MLLT3: variants seen among roughly 807,000 people sequenced by gnomAD.
MLLT3 encodes MLLT3 super elongation complex subunit.
Under a neutral mutation model 53.2 loss-of-function variants are expected in MLLT3, and 4 were observed. That is an observed-to-expected ratio of 0.08 (90% CI 0.04 to 0.17). The LOEUF (loss-of-function observed/expected upper bound fraction) is 0.17. Ranked by LOEUF, MLLT3 falls within the 10% of genes least tolerant of loss-of-function variation. The pLI is 1.00. For missense variants in MLLT3, 569 were observed against 684.0 expected (o/e 0.83, Z 1.87); for synonymous variants, 283 against 230.6 (o/e 1.23, Z -2.06).
intron 5 of MLLT3, among the ~76,000 whole-genome samples, chr9:20,390,774 C>T (rs1026378307): frequency 5.0e-4 from 76 of 152,314 alleles, no homozygotes; most frequent in African/African-American, 1.8e-3. Context: ...TTTGGAGAAA[C>T]AATTTCCTTC....
At chr9:20,460,156 C>T (rs1483176505) in intron 2 of MLLT3, among the ~76,000 whole-genome samples, 1 of 152,190 alleles carries the variant, frequency 6.6e-6, no homozygotes, top group Non-Finnish European at 1.5e-5. Flanking sequence ...GGAGGGATCA[C>T]CTTCTGTCAC....
intron 10 of MLLT3, among the ~76,000 whole-genome samples, chr9:20,352,790 A>G (rs923009549): frequency 6.6e-6 from 1 of 151,978 alleles, no homozygotes; most frequent in Non-Finnish European, 1.5e-5. Flanking sequence ...GTAAAAAAAA[A>G]AAGAAGAAAA....
intron 7 of MLLT3, chr9:20,362,687 C>A (rs1264016847): frequency 6.9e-6 from 1 of 145,190 alleles, no homozygotes. Context: ...ATCGGTCTCT[C>A]CAGTTTGGGT....
rs1464563995 is a variant in MLLT3, at chr9:20,450,420, C to A, written c.277-2154G>T. ...GATATAAAAGCCTTTAATGGTTCAT[C>A]ATTTTCTGCAGTAAAATCCCACTTC... On this transcript the variant is annotated intron_variant, in intron 3 of 10. Transcript: ENST00000380338. Among the ~76,000 whole-genome samples, 3 of 152,316 alleles carry A rather than the reference C, an allele frequency of 2.0e-5. No individual in the cohort carries two copies. In the East Asian group the frequency reaches 5.8e-4, roughly 29 times the overall value.
intron 4 of MLLT3, among the ~76,000 whole-genome samples, chr9:20,431,837 A>G (rs1006980029): frequency 6.6e-6 from 1 of 152,200 alleles, no homozygotes; most frequent in African/African-American, 2.4e-5. Context: ...AAATCTTATA[A>G]TGCTGAATAA....
chr9:20,403,328 A>AGCCT (rs1210199567), intron 5 of MLLT3, among the ~76,000 whole-genome samples: 1 of 152,212 alleles, frequency 6.6e-6, no homozygotes, highest in Non-Finnish European at 1.5e-5. Flanking sequence ...AGAGTACCTA[A>AGCCT]GCCTTGAGAG....
At chr9:20,595,576 C>T (rs1820241510) in intron 2 of MLLT3, among the ~76,000 whole-genome samples, 1 of 151,864 alleles carries the variant, frequency 6.6e-6, no homozygotes, top group Admixed American at 6.6e-5. Context: ...GAAACATAAG[C>T]GTTATCAAAG....
chr9:20,360,920 GCA>G (rs763399168), intron 7 of MLLT3, 79 bp from the exon 8 acceptor site: 83 of 1,252,200 alleles, frequency 6.6e-5, no homozygotes, highest in Middle Eastern at 4.0e-4. Context: ...GGCGTGGAAA[GCA>G]CAGAATCCAA....
intron 2 of MLLT3, among the ~76,000 whole-genome samples, chr9:20,614,539 T>C (rs1365968018): frequency 6.6e-6 from 1 of 152,118 alleles, no homozygotes; most frequent in African/African-American, 2.4e-5. Flanking sequence ...TGTGTATATA[T>C]ATAAAGATGT....
chr9:20,400,102 C>G (rs1305260092), intron 5 of MLLT3, among the ~76,000 whole-genome samples: 1 of 151,646 alleles, frequency 6.6e-6, no homozygotes, highest in African/African-American at 2.4e-5. Flanking sequence ...TATAATCTAC[C>G]CATGAGATGG....
At position 20,458,475 on chromosome 9, in the gene MLLT3, C is replaced by T. The variant is rs575848890; in HGVS notation, c.194-1689G>A. ...CAATCTGAAGACTAAACAAGGTGAC[C>T]GTTACGAACTGAATGTTTGTATTCC... On this transcript the variant is annotated intron_variant, in intron 2 of 10. Coordinates refer to ENST00000380338, the MANE Select transcript of MLLT3 (RefSeq NM_004529.4). Among the ~76,000 whole-genome samples, 9 of 152,232 alleles carry T rather than the reference C, an allele frequency of 5.9e-5. No homozygotes were observed. In the South Asian group the frequency reaches 1.9e-3, roughly 32 times the overall value.
At position 20,549,618 on chromosome 9, in the gene MLLT3, G is replaced by A. The variant is rs62547207; in HGVS notation, c.193+71036C>T. 2.3e-3 allele frequency among the ~76,000 whole-genome samples: 354 copies of A among 152,282 alleles called. 1 individual carries two copies. The highest frequency in any genetic ancestry group is 3.9e-3 in the Non-Finnish European group (268 of 68,022). ...AACAAAGGTCACACAGGCGACTGGC[G>A]GAAGACCTAAGGTTTGAACCTAAAC... On this transcript the variant is annotated intron_variant, in intron 2 of 10. Transcript: ENST00000380338.
intron 2 of MLLT3, among the ~76,000 whole-genome samples, chr9:20,587,494 T>C (rs1330621292): frequency 1.3e-5 from 2 of 151,870 alleles, no homozygotes; most frequent in East Asian, 1.9e-4. Context: ...CCCCCTACTC[T>C]TTCCACTTCA....
At chr9:20,487,516 C>T (rs528213354) in intron 2 of MLLT3, among the ~76,000 whole-genome samples, 7 of 152,238 alleles carry the variant, frequency 4.6e-5, no homozygotes, top group East Asian at 1.9e-4. Context: ...CCATGTCAAA[C>T]GTCAGAAAAT....
At chr9:20,363,260 A>C in intron 7 of MLLT3, 2 of 466,152 alleles carry the variant, frequency 4.3e-6, no homozygotes, top group Non-Finnish European at 3.7e-6. Flanking sequence ...ACTTTTTCCT[A>C]TAAAAATTTT....
chr9:20,504,684 C>G (rs910680650), intron 2 of MLLT3, among the ~76,000 whole-genome samples: 2 of 151,956 alleles, frequency 1.3e-5, no homozygotes, highest in Non-Finnish European at 2.9e-5. Flanking sequence ...ATGGTGACTA[C>G]AGTTCATAAC....
At chr9:20,558,471 A>G (rs569672415) in intron 2 of MLLT3, among the ~76,000 whole-genome samples, 34 of 152,244 alleles carry the variant, frequency 2.2e-4, no homozygotes, top group African/African-American at 7.7e-4. Context: ...GAACTGCAAT[A>G]TAACTTTTTC....
At chr9:20,411,757 A>G (rs1227540832) in intron 5 of MLLT3, 1 of 152,218 alleles carries the variant, frequency 6.6e-6, no homozygotes, top group Non-Finnish European at 1.5e-5. Context: ...CATACTTTAT[A>G]AATCATATAT....
intron 8 of MLLT3, among the ~76,000 whole-genome samples, chr9:20,360,300 G>A (rs1028534161): frequency 2.0e-5 from 3 of 152,092 alleles, no homozygotes; most frequent in Non-Finnish European, 4.4e-5. Flanking sequence ...AAAAGATAGT[G>A]TTAATGTCAT....
Sources: gnomAD v4.1 joint callset for allele counts (sites outside exome capture counted in the v4.1 genomes callset) on GRCh38, gnomAD v4.1.1 for gene constraint, MANE v1.5 for transcripts, NCBI Gene and HGNC (gene_info 2026-07-23, HGNC 2026-07-21) for gene names.